The following SPOPL variants were observed in gnomAD, a reference collection of about 807,000 sequenced individuals.
SPOPL encodes the protein speckle type BTB/POZ protein like, also known as speckle-type POZ protein-like.
Under a neutral mutation model 53.8 loss-of-function variants are expected in SPOPL, and 23 were observed. The ratio of observed to expected loss-of-function variants is 0.43; its 90% CI spans 0.31 to 0.61. The LOEUF (loss-of-function observed/expected upper bound fraction) is 0.61. Among genes scored for constraint, SPOPL ranks in the 20% least tolerant of loss-of-function variants. The pLI, the probability that SPOPL is intolerant of heterozygous loss-of-function variation, is 0.12. For missense variants in SPOPL, 442 were observed against 466.9 expected (o/e 0.95, Z 0.49); for synonymous variants, 164 against 149.7 (o/e 1.10, Z -0.70).
chr2:138,558,386 A>G (rs1685473489), intron 5 of SPOPL, among the ~76,000 whole-genome samples: 1 of 152,118 alleles, frequency 6.6e-6, no homozygotes, highest in East Asian at 1.9e-4. Flanking sequence ...CTTGCTGTTG[A>G]TCTTCCATAA....
chr2:138,564,494 T>C (rs1685616968), intron 8 of SPOPL: 1 of 497,400 alleles, frequency 2.0e-6, no homozygotes, highest in Non-Finnish European at 3.4e-6. Context: ...AATACGCTTA[T>C]GCAAATTGCA....
At position 138,550,964 on chromosome 2, in the gene SPOPL, T is replaced by G. The variant is rs766861409; in HGVS notation, c.262T>G (p.Leu88Val). Residue 88 changes from leucine to valine, a missense_variant, in exon 4 of 11, where the codon TTG becomes GTG. Physicochemically the swap from Leu to Val is conservative, Grantham distance 32. Transcript: ENST00000280098. ...DESKDYLSLY[L>V]LLVSCPKSEV... Reference sequence around the variant, plus strand: ...AAGTAAAGACTACTTGTCCTTATATTTGCTTTTAGTCAGCTGCCCCAAAAG... The same window carrying G: ...AAGTAAAGACTACTTGTCCTTATATGTGCTTTTAGTCAGCTGCCCCAAAAG... The G allele has an allele frequency of 2.3e-5, 37 of 1,613,428 alleles. No homozygotes were observed. The East Asian group carries it at 7.1e-4, about 31-fold the overall frequency.
intron 5 of SPOPL, among the ~76,000 whole-genome samples, chr2:138,553,321 T>C (rs1685354648): frequency 6.6e-6 from 1 of 152,158 alleles, no homozygotes; most frequent in Non-Finnish European, 1.5e-5. Flanking sequence ...GCTTTTGTCA[T>C]GTTATCATTA....
At chr2:138,521,894 A>G (rs549528904) in intron 1 of SPOPL, among the ~76,000 whole-genome samples, 4 of 152,196 alleles carry the variant, frequency 2.6e-5, no homozygotes, top group Non-Finnish European at 5.9e-5. Context: ...AGACTTATTC[A>G]GAGATGGAGG....
chr2:138,525,663 A>AAAACAAAC (rs1553468799), intron 1 of SPOPL, among the ~76,000 whole-genome samples: 5 of 130,482 alleles, frequency 3.8e-5, no homozygotes, highest in Admixed American at 8.7e-5. Context: ...GTAGAAAAAA[A>AAAACAAAC]AAAAAAAAAA....
intron 1 of SPOPL, among the ~76,000 whole-genome samples, chr2:138,524,710 C>T (rs573206386): frequency 2.0e-4 from 30 of 152,352 alleles, no homozygotes; most frequent in South Asian, 8.3e-4. Context: ...TTTGCTAAAA[C>T]GTAACAAGAC....
intron 1 of SPOPL, among the ~76,000 whole-genome samples, chr2:138,513,794 G>A (rs1573868392): frequency 6.8e-6 from 1 of 147,102 alleles, no homozygotes. Flanking sequence ...ACCTTTCTTT[G>A]TTTTGATATA....
rs1317243239 is a variant in SPOPL at position 138,555,249 on chromosome 2, T to C, written c.480+2568T>C. ...TCATGAGGTTAGAGTCCTCATAACC[T>C]AATTACCTCTGAAAGGTCTCACCTG... On this transcript the variant is annotated intron_variant, in intron 5 of 10. Transcript: ENST00000280098. 8.6e-5 allele frequency among the ~76,000 whole-genome samples: 13 copies of C among 151,878 alleles called. 1 individual carries two copies. Among genetic ancestry groups the C allele is most frequent in the Admixed American group, 8.5e-4 (13 of 15,244 alleles).
At chr2:138,544,528 C>A (rs113507698) in intron 1 of SPOPL, among the ~76,000 whole-genome samples, 19 of 152,236 alleles carry the variant, frequency 1.2e-4, no homozygotes, top group African/African-American at 4.6e-4. Flanking sequence ...TAAGACCCTC[C>A]GAGCCAGGTG....
At chr2:138,508,766 A>G (rs556937883) in intron 1 of SPOPL, among the ~76,000 whole-genome samples, 6 of 152,330 alleles carry the variant, frequency 3.9e-5, no homozygotes, top group Non-Finnish European at 8.8e-5. Context: ...TAAGAAAATT[A>G]TAACTTTAAA....
intron 8 of SPOPL, among the ~76,000 whole-genome samples, chr2:138,563,014 A>C (rs997434134): frequency 1.3e-5 from 2 of 152,150 alleles, no homozygotes; most frequent in African/African-American, 4.8e-5. Flanking sequence ...ACTGGGAGAA[A>C]ATATTTGCAC....
chr2:138,507,152 G>A lies in SPOPL; in HGVS notation c.-61+5033G>A, dbSNP rs541370269. ...CTGGTTGTCAATACACCCATAAACT[G>A]TTTGATGATGAATTTTGTATTAATC... On this transcript the variant is annotated intron_variant, in intron 1 of 10. Transcript: ENST00000280098. Among the ~76,000 whole-genome samples, 8 of 149,398 alleles carry A rather than the reference G, an allele frequency of 5.4e-5. No individual in the cohort carries two copies. The South Asian group carries it at 1.2e-3, about 23-fold the overall frequency.
intron 1 of SPOPL, among the ~76,000 whole-genome samples, chr2:138,533,591 T>C (rs1045587428): frequency 6.6e-6 from 1 of 152,118 alleles, no homozygotes; most frequent in African/African-American, 2.4e-5. Flanking sequence ...GAAATTTATA[T>C]GTGTATTACT....
Position 138,519,594 on chromosome 2 carries a change from T to G in SPOPL, c.-61+17475T>G, listed in dbSNP as rs567615740. Reference sequence around the variant, plus strand: ...TGGGAGGATCACTTGAGCCCAGGAGTTCAGGACTGGCCTGGGCAACATAGT... The same window carrying G: ...TGGGAGGATCACTTGAGCCCAGGAGGTCAGGACTGGCCTGGGCAACATAGT... On this transcript the variant is annotated intron_variant, in intron 1 of 10. Transcript: ENST00000280098. Among the ~76,000 whole-genome samples, 15 of 151,994 alleles carry G rather than the reference T, an allele frequency of 9.9e-5. No individual in the cohort carries two copies. In the South Asian group the frequency reaches 3.1e-3, roughly 32 times the overall value.
intron 1 of SPOPL, among the ~76,000 whole-genome samples, chr2:138,545,724 C>T (rs1685180700): frequency 6.6e-6 from 1 of 152,140 alleles, no homozygotes; most frequent in Non-Finnish European, 1.5e-5. Flanking sequence ...CAGGCGTGAG[C>T]CACCGCGCCC....
chr2:138,560,171 T>C (rs1685513369), intron 7 of SPOPL, among the ~76,000 whole-genome samples: 1 of 152,194 alleles, frequency 6.6e-6, no homozygotes, highest in Non-Finnish European at 1.5e-5. Flanking sequence ...CTTGACTATT[T>C]TTCAGGTAAG....
At chr2:138,532,737 G>A (rs921493175) in intron 1 of SPOPL, among the ~76,000 whole-genome samples, 6 of 151,518 alleles carry the variant, frequency 4.0e-5, no homozygotes, top group Non-Finnish European at 8.8e-5. Flanking sequence ...CCACAGCTCT[G>A]GGCCTTGTTT....
At chr2:138,567,413 GTGTGTGT>G (rs1558883512) in intron 10 of SPOPL, among the ~76,000 whole-genome samples, 1 of 149,436 alleles carries the variant, frequency 6.7e-6, no homozygotes, top group East Asian at 2.2e-4. Context: ...GTGTGTGTGT[GTGTGTGT>G]GTGTGTGTGT....
At chr2:138,516,408 G>T (rs1684438902) in intron 1 of SPOPL, among the ~76,000 whole-genome samples, 1 of 152,166 alleles carries the variant, frequency 6.6e-6, no homozygotes, top group Non-Finnish European at 1.5e-5. Context: ...CAGGAATAAG[G>T]TCTGTTGTAA....
Sources: gnomAD v4.1 joint callset for allele counts (sites outside exome capture counted in the v4.1 genomes callset) on GRCh38, gnomAD v4.1.1 for gene constraint, MANE v1.5 for transcripts, NCBI Gene and HGNC (gene_info 2026-07-23, HGNC 2026-07-21) for gene names.